The following ABHD5 variants were observed in gnomAD, a reference collection of about 807,000 sequenced individuals.
ABHD5 encodes 1-acylglycerol-3-phosphate O-acyltransferase ABHD5.
A neutral mutation model predicts 44.9 loss-of-function variants in ABHD5; 30 were observed. The ratio of observed to expected loss-of-function variants is 0.67; its 90% CI spans 0.50 to 0.91. The LOEUF is 0.91. Among genes scored for constraint, ABHD5 ranks in the 40% least tolerant of loss-of-function variants. ABHD5 has a pLI of 0.00. For missense variants in ABHD5, 399 were observed against 423.4 expected, an observed-to-expected ratio of 0.94 and a Z score of 0.50; for synonymous variants, 167 against 147.0, an observed-to-expected ratio of 1.14 and a Z score of -0.99.
intron 3 of ABHD5, among the ~76,000 whole-genome samples, chr3:43,709,697 C>CGA (rs1482981487): frequency 6.6e-6 from 1 of 152,106 alleles, no homozygotes; most frequent in Admixed American, 6.5e-5. Context: ...TCTACTCATA[C>CGA]CCCTGTTAGG....
chr3:43,715,038 C>T lies in ABHD5; in HGVS notation c.753C>T (p.His251=), dbSNP rs2084744597. The T allele has an allele frequency of 6.2e-7, 1 of 1,612,212 alleles. No homozygotes were observed. Among genetic ancestry groups the T allele is most frequent in the African/African-American group, 1.3e-5 (1 of 74,562 alleles). The stretch of plus-strand genomic sequence containing the variant: ...ATACTGTGACAGAATACATCTACCA[C>T]TGTAATGTGCAGACTCCAAGGTGAG... ...EDDTVTEYIY[H]CNVQTPSGET... The change falls in exon 5 of 7, where the codon CAC becomes CAT. Residue 251 remains histidine (H), a synonymous_variant. Coordinates refer to ENST00000644371, the MANE Select transcript of ABHD5 (RefSeq NM_016006.6).
intron 5 of ABHD5, 111 bp downstream of exon 5, chr3:43,715,169 T>C (rs1383533355): frequency 5.2e-5 from 40 of 773,372 alleles, no homozygotes; most frequent in South Asian, 1.8e-4. Flanking sequence ...TTTATTTATT[T>C]ATTCATTCAA....
intron 6 of ABHD5, among the ~76,000 whole-genome samples, chr3:43,718,118 G>A (rs568774100): frequency 1.3e-5 from 2 of 152,222 alleles, no homozygotes; most frequent in East Asian, 3.9e-4. Context: ...AGAGGGATTG[G>A]TCCAGTAGCA....
In ABHD5 at chr3:43,721,562, CA is replaced by C. The variant is rs529300680; in HGVS notation, c.*3051del. 0.11 allele frequency: 9,451 copies of C among 85,916 alleles called. 344 individuals carry two copies. Among genetic ancestry groups the C allele is most frequent in the South Asian group, 0.28 (854 of 3,056 alleles). 5.3% of individuals were successfully genotyped at this position (85,916 alleles called of 1,614,324 possible). A position where few individuals can be genotyped will look rare whatever the true frequency, so the allele number is the denominator to read the frequency against. On this transcript the variant is annotated 3_prime_UTR_variant, in exon 7 of 7. Coordinates refer to ENST00000644371, the MANE Select transcript of ABHD5 (RefSeq NM_016006.6). The stretch of plus-strand genomic sequence containing the variant: ...GGCAACCTAGTAGGACTGGCTCTAC[CA>C]AAAAAAAAAAAAAAAAAAAATTAAG...
At chr3:43,707,922 G>A (rs530512452) in intron 3 of ABHD5, among the ~76,000 whole-genome samples, 2 of 152,206 alleles carry the variant, frequency 1.3e-5, no homozygotes, top group East Asian at 3.9e-4. Flanking sequence ...GAGCTACCAC[G>A]CCTGACCTGA....
chr3:43,701,438 T>A (rs948814557), intron 2 of ABHD5, among the ~76,000 whole-genome samples: 1 of 152,254 alleles, frequency 6.6e-6, no homozygotes, highest in Non-Finnish European at 1.5e-5. Flanking sequence ...AAGGGGTATA[T>A]CAAAAATGCA....
chr3:43,710,351 C>A (rs11928289), intron 3 of ABHD5, among the ~76,000 whole-genome samples: 16,564 of 152,168 alleles, frequency 0.11, 1,295 homozygotes, highest in South Asian at 0.23. Flanking sequence ...TAATATGTCT[C>A]TCTTATGTTG....
At position 43,720,207 on chromosome 3, in the gene ABHD5, G is replaced by A. The variant is rs534505586; in HGVS notation, c.*1675G>A. 1 of 152,310 alleles carries A rather than the reference G, an allele frequency of 6.6e-6. No homozygotes were observed. Among genetic ancestry groups the A allele is most frequent in the African/African-American group, 2.4e-5 (1 of 41,580 alleles). The allele number at this position is 152,310 out of a possible 1,614,324, so 9.4% of individuals were successfully genotyped here. ...TTTTGGATGGCCAGGTTTCAAACCT[G>A]TATGTGGTACAAATAATTTGGGTAA... On this transcript the variant is annotated 3_prime_UTR_variant, in exon 7 of 7. Transcript: ENST00000644371.
intron 1 of ABHD5, among the ~76,000 whole-genome samples, chr3:43,697,256 G>A (rs2084484642): frequency 6.6e-6 from 1 of 151,802 alleles, no homozygotes; most frequent in African/African-American, 2.4e-5. Context: ...CTTTTTTAAT[G>A]CAAAGAATGC....
At chr3:43,691,545 A>T (rs996162562) in intron 1 of ABHD5, 2 of 152,320 alleles carry the variant, frequency 1.3e-5, no homozygotes, top group African/African-American at 4.8e-5. Flanking sequence ...CAGCCACTGG[A>T]CGATCCTTCC....
intron 1 of ABHD5, chr3:43,691,326 T>A: frequency 3.6e-6 from 1 of 277,486 alleles, no homozygotes; most frequent in Non-Finnish European, 6.7e-6. Context: ...CCCGTTGTTG[T>A]ATAAGCCACC....
chr3:43,694,735 C>T (rs754579095), intron 1 of ABHD5, among the ~76,000 whole-genome samples: 5 of 151,986 alleles, frequency 3.3e-5, no homozygotes, highest in Non-Finnish European at 5.9e-5. Flanking sequence ...GCAGTTAAAA[C>T]AGTATTAATT....
At chr3:43,705,665 T>C (rs2084609312) in intron 3 of ABHD5, among the ~76,000 whole-genome samples, 1 of 152,188 alleles carries the variant, frequency 6.6e-6, no homozygotes, top group Non-Finnish European at 1.5e-5. Context: ...GAATTAACAA[T>C]CTCACGGGCT....
At chr3:43,710,017 T>C (rs2084667535) in intron 3 of ABHD5, among the ~76,000 whole-genome samples, 1 of 152,142 alleles carries the variant, frequency 6.6e-6, no homozygotes. Flanking sequence ...CACTCCAGCC[T>C]GGGCGACAGA....
intron 1 of ABHD5, among the ~76,000 whole-genome samples, chr3:43,694,176 G>A (rs1250792250): frequency 6.7e-6 from 1 of 149,978 alleles, no homozygotes; most frequent in Admixed American, 6.7e-5. Flanking sequence ...GGAGAATGGC[G>A]TGAACCCAGG....
At chr3:43,724,794 C>T (rs564685451), downstream of ABHD5, among the ~76,000 whole-genome samples, 35 of 152,136 alleles carry the variant, frequency 2.3e-4, no homozygotes, top group Non-Finnish European at 3.4e-4. Context: ...AACACACACA[C>T]ACCCGTATAT....
At chr3:43,733,607 G>T (rs912931033) in intron 7 of ABHD5, among the ~76,000 whole-genome samples, 1 of 152,140 alleles carries the variant, frequency 6.6e-6, no homozygotes, top group African/African-American at 2.4e-5. Context: ...TTTCACATCT[G>T]GATTGTTGTC....
chr3:43,730,488 G>C (rs2084905564), intron 7 of ABHD5, among the ~76,000 whole-genome samples: 2 of 140,888 alleles, frequency 1.4e-5, no homozygotes, highest in Non-Finnish European at 3.1e-5. Context: ...ATGGAGAATA[G>C]AAAATAATCC....
At chr3:43,702,629 C>A (rs2084558955) in intron 3 of ABHD5, 42 bp downstream of exon 3, 1 of 1,613,944 alleles carries the variant, frequency 6.2e-7, no homozygotes, top group Non-Finnish European at 8.5e-7. Context: ...AACTGTGCTT[C>A]CAAGTACCAG....
Sources: allele counts gnomAD v4.1 joint callset (sites outside exome capture counted in the v4.1 genomes callset), GRCh38; gene constraint gnomAD v4.1.1; transcripts MANE v1.5; gene names NCBI Gene and HGNC (gene_info 2026-07-23, HGNC 2026-07-21).